Variants in DENND2C observed in about 807,000 individuals in gnomAD.
The protein encoded by DENND2C is DENN domain-containing protein 2C.
In DENND2C, 72 loss-of-function variants were observed where a neutral mutation model predicts 112.4. The observed-to-expected ratio is 0.64, with a 90% confidence interval of 0.53 to 0.78. The LOEUF (loss-of-function observed/expected upper bound fraction) is 0.78. DENND2C is among the 30% of genes least tolerant of loss of function. DENND2C has a pLI of 0.00. For synonymous variants in DENND2C, 329 were observed against 381.6 expected (o/e 0.86, Z 1.61); for missense variants, 992 against 1,113.8 (o/e 0.89, Z 1.56).
At chr1:114,596,570 G>A (rs967252006) in intron 16 of DENND2C, among the ~76,000 whole-genome samples, 2 of 152,038 alleles carry the variant, frequency 1.3e-5, no homozygotes, top group South Asian at 2.1e-4. Flanking sequence ...GATTCACATT[G>A]TAATATTTAG....
chr1:114,631,219 T>C (rs1656479337), intron 3 of DENND2C, among the ~76,000 whole-genome samples: 1 of 151,338 alleles, frequency 6.6e-6, no homozygotes, highest in Non-Finnish European at 1.5e-5. Context: ...CTACTAAAAA[T>C]ACAAAAATCA....
At position 114,610,443 on chromosome 1, in the gene DENND2C, G is replaced by A. The variant is rs150077133; in HGVS notation, c.1369+630C>T. Among the ~76,000 whole-genome samples the A allele has an allele frequency of 3.7e-3, 571 of 152,336 alleles. 6 individuals carry two copies. The highest frequency in any genetic ancestry group is 0.013 in the African/African-American group (540 of 41,574). On this transcript the variant is annotated intron_variant, in intron 9 of 20. Transcript: ENST00000393274. ...TGGCTGGGTGCGGTGGCTCACGCCT[G>A]TAATCCCAGCACTTTGGGAGGCCAA... is the stretch of plus-strand genomic sequence containing the variant.
intron 1 of DENND2C, among the ~76,000 whole-genome samples, chr1:114,664,221 G>A (rs1657584338): frequency 6.6e-6 from 1 of 151,846 alleles, no homozygotes; most frequent in Admixed American, 6.6e-5. Context: ...TATAGGCATG[G>A]GGACACAGTC....
chr1:114,650,673 C>CCA (rs1657133209), intron 2 of DENND2C, among the ~76,000 whole-genome samples: 1 of 61,614 alleles, frequency 1.6e-5, no homozygotes, highest in Non-Finnish European at 2.8e-5. Flanking sequence ...GACTCCGTCT[C>CCA]AAAAAAAAAA....
At chr1:114,644,879 T>C (rs1043645080) in intron 3 of DENND2C, among the ~76,000 whole-genome samples, 2 of 152,272 alleles carry the variant, frequency 1.3e-5, no homozygotes, top group African/African-American at 4.8e-5. Context: ...AAGAAAATAA[T>C]TGATTTATAT....
Position 114,621,969 on chromosome 1 carries a change from G to A in DENND2C, c.1153C>T (p.Pro385Ser), listed in dbSNP as rs1220039680. 2 of 1,550,728 alleles carry A rather than the reference G, an allele frequency of 1.3e-6. No homozygotes were observed. The highest frequency in any genetic ancestry group is 1.7e-6 in the Non-Finnish European group (2 of 1,147,046). Residue 385 changes from proline to serine, a missense_variant, in exon 7 of 21, where the codon CCG (proline) becomes TCG (serine). Transcript: ENST00000393274. The stretch of plus-strand genomic sequence containing the variant: ...AGCTTCCATTCCGTTAAAGTGACCG[G>A]CAAAGTTGTATCTTTTGTAAGCTTT... ...RSKLTKDTTL[P>S]VTLTEWKLFR...
intron 17 of DENND2C, chr1:114,595,524 C>G: frequency 4.5e-6 from 1 of 223,128 alleles, no homozygotes; most frequent in Non-Finnish European, 8.8e-6. Flanking sequence ...TTAATAAATG[C>G]TTTTAAAATG....
chr1:114,644,041 C>A (rs2101683371), intron 3 of DENND2C, among the ~76,000 whole-genome samples: 1 of 152,212 alleles, frequency 6.6e-6, no homozygotes, highest in South Asian at 2.1e-4. Flanking sequence ...GCTACATGAC[C>A]CTAGGTGTTA....
intron 3 of DENND2C, among the ~76,000 whole-genome samples, chr1:114,634,202 G>A (rs192302028): frequency 6.6e-6 from 1 of 152,270 alleles, no homozygotes; most frequent in African/African-American, 2.4e-5. Flanking sequence ...CTTTTCAACA[G>A]TAGTTGATAA....
chr1:114,614,210 T>C (rs962381576), intron 8 of DENND2C, among the ~76,000 whole-genome samples: 3 of 147,978 alleles, frequency 2.0e-5, no homozygotes, highest in Non-Finnish European at 4.4e-5. Flanking sequence ...CCAGCCTGTG[T>C]GACAGAGTGA....
chr1:114,668,745 T>C lies in DENND2C; in HGVS notation c.-574+1238A>G, dbSNP rs1416938220. ...CCATAGTAAAGAACAAAAACGTCTA[T>C]AATAAAGGCTGTATGAAAAAATATG... On this transcript the variant is annotated intron_variant, in intron 1 of 20. Coordinates refer to ENST00000393274, the MANE Select transcript of DENND2C (RefSeq NM_001256404.2). 2.6e-5 allele frequency among the ~76,000 whole-genome samples: 4 copies of C among 152,136 alleles called. No individual in the cohort carries two copies. In the East Asian group the frequency reaches 5.8e-4, roughly 22 times the overall value.
At chr1:114,665,599 T>A (rs907924783) in intron 1 of DENND2C, among the ~76,000 whole-genome samples, 1 of 152,238 alleles carries the variant, frequency 6.6e-6, no homozygotes, top group Non-Finnish European at 1.5e-5. Flanking sequence ...CAACTTATGA[T>A]GGGTTTATTC....
At chr1:114,599,151 A>C (rs1429332827) in intron 16 of DENND2C, 123 bp downstream of exon 16, 1 of 657,298 alleles carries the variant, frequency 1.5e-6, no homozygotes, top group Non-Finnish European at 2.2e-6. Flanking sequence ...ATAATAATTT[A>C]ATAGAAATAT....
At chr1:114,611,699 C>A (rs79608143) in intron 8 of DENND2C, among the ~76,000 whole-genome samples, 8,402 of 151,326 alleles carry the variant, frequency 0.056, 342 homozygotes, top group African/African-American at 0.11. Context: ...TTCCCCAATC[C>A]GATTTTAAGT....
At chr1:114,591,387 T>C (rs1655186509) in intron 18 of DENND2C, among the ~76,000 whole-genome samples, 2 of 152,240 alleles carry the variant, frequency 1.3e-5, no homozygotes. Context: ...CAATTATTTA[T>C]GGGCTTATCA....
At chr1:114,668,124 G>C (rs1657696855) in intron 1 of DENND2C, among the ~76,000 whole-genome samples, 1 of 152,134 alleles carries the variant, frequency 6.6e-6, no homozygotes, top group East Asian at 1.9e-4. Context: ...CTATTGTGTA[G>C]TAGGCCCTCA....
chr1:114,599,453 T>C lies in DENND2C; in HGVS notation c.2106-2A>G. 1 of 1,610,430 alleles carries C rather than the reference T, an allele frequency of 6.2e-7. No homozygotes were observed. On this transcript the variant is annotated splice_acceptor_variant, in intron 15 of 20. Transcript: ENST00000393274. LOFTEE classifies it high-confidence loss of function. ...GCATGGCCACATTTTGACAGGGTGC[T>C]AGCCAGAGGAGAAAACAAATGGTGT...
At chr1:114,634,632 T>C (rs1051946410) in intron 3 of DENND2C, among the ~76,000 whole-genome samples, 1 of 152,106 alleles carries the variant, frequency 6.6e-6, no homozygotes, top group Non-Finnish European at 1.5e-5. Flanking sequence ...GAGAAATCAG[T>C]AACAAAAAGA....
At chr1:114,591,866 ATTATTATTATTATTT>A (rs1322221174) in intron 18 of DENND2C, among the ~76,000 whole-genome samples, 2 of 148,720 alleles carry the variant, frequency 1.3e-5, no homozygotes, top group Admixed American at 1.3e-4. Flanking sequence ...ATCATTTATT[ATTATTATTATTATTT>A]TTATTATTAT....
Sources: allele counts gnomAD v4.1 joint callset (sites outside exome capture counted in the v4.1 genomes callset), GRCh38; gene constraint gnomAD v4.1.1; transcripts MANE v1.5; gene names NCBI Gene and HGNC (gene_info 2026-07-23, HGNC 2026-07-21).